ZNF200: variants seen among roughly 807,000 people sequenced by gnomAD.
The protein encoded by ZNF200 is zinc finger protein 200.
Under a neutral mutation model 33.6 loss-of-function variants are expected in ZNF200, and 35 were observed. The ratio of observed to expected loss-of-function variants is 1.04; its 90% CI spans 0.80 to 1.38. The LOEUF (loss-of-function observed/expected upper bound fraction) is 1.38. ZNF200 is among the 40% of genes most tolerant of loss of function. The pLI is 0.00. For synonymous variants in ZNF200, 209 were observed against 167.7 expected, an observed-to-expected ratio of 1.25 and a Z score of -1.90; for missense variants, 592 against 470.6, an observed-to-expected ratio of 1.26 and a Z score of -2.39.
At chr16:3,232,200 TCTCC>T (rs1291931719) in intron 4 of ZNF200, among the ~76,000 whole-genome samples, 1 of 151,812 alleles carries the variant, frequency 6.6e-6, no homozygotes, top group African/African-American at 2.4e-5. Context: ...TTTCCCTACC[TCTCC>T]CCTCACTGCC....
rs1958706964 is a variant in ZNF200, at chr16:3,233,646, T to C, written c.110A>G (p.Asn37Ser). The C allele has an allele frequency of 3.7e-6, 6 of 1,613,928 alleles. No homozygotes were observed. Among genetic ancestry groups the C allele is most frequent in the Non-Finnish European group, 5.1e-6 (6 of 1,179,998 alleles). Reference sequence around the variant, plus strand: ...TAGCTGGTGGATGGTCTTGGGCCCGTTAGTGGCATCTCGAAGTAGGTCTTG... The same window carrying C: ...TAGCTGGTGGATGGTCTTGGGCCCGCTAGTGGCATCTCGAAGTAGGTCTTG... The part of the protein sequence containing the change: ...LGQDLLRDAT[N>S]GPKTIHQLVL... The change falls in exon 2 of 5, where the codon AAC (asparagine) becomes AGC (serine). Residue 37 changes from asparagine to serine, a missense_variant. Asn to Ser is a conservative substitution (Grantham distance 46). Coordinates refer to ENST00000414144, the MANE Select transcript of ZNF200 (RefSeq NM_198088.3).
At position 3,224,483 on chromosome 16, in the gene ZNF200, G is replaced by C; in HGVS notation, c.597C>G (p.Asn199Lys). ...SSLVSQQPPD[N>K]QEKERLNTSI... The stretch of plus-strand genomic sequence containing the variant: ...ATGTATTTAGTCGTTCCTTTTCCTG[G>C]TTATCGGGAGGCTGCTGAGAGACCA... The change falls in exon 5 of 5, where the codon AAC becomes AAG. Residue 199 changes from asparagine to lysine, a missense_variant. By Grantham distance (94) the Asn-to-Lys change is moderately conservative. Coordinates refer to ENST00000414144, the MANE Select transcript of ZNF200 (RefSeq NM_198088.3). 1 of 1,614,086 alleles carries C rather than the reference G, an allele frequency of 6.2e-7. No individual in the cohort carries two copies. Among genetic ancestry groups the C allele is most frequent in the Non-Finnish European group, 8.5e-7 (1 of 1,180,008 alleles).
At chr16:3,233,966 T>C in intron 1 of ZNF200, 130 bp from the exon 2 acceptor site, 1 of 595,256 alleles carries the variant, frequency 1.7e-6, no homozygotes, top group Non-Finnish European at 2.7e-6. Context: ...AAATCATAAC[T>C]GAAACGCAGT....
rs926572559 is a variant in ZNF200 at position 3,222,851 on chromosome 16, T to C, written c.*1041A>G. On this transcript the variant is annotated 3_prime_UTR_variant, in exon 5 of 5. Coordinates refer to ENST00000414144, the MANE Select transcript of ZNF200 (RefSeq NM_198088.3). ...TGGAAACCTGTCTCTTGAGAGGCAA[T>C]GTGAGCTAACCACTGGAGACGTAAT... 1 of 152,214 alleles carries C rather than the reference T, an allele frequency of 6.6e-6. No homozygotes were observed. The highest frequency in any genetic ancestry group is 1.5e-5 in the Non-Finnish European group (1 of 68,054). 9.4% of individuals were successfully genotyped at this position (152,214 alleles called of 1,614,324 possible). A position where few individuals can be genotyped will look rare whatever the true frequency, so the allele number is the denominator to read the frequency against.
chr16:3,228,326 A>C (rs534059668), intron 4 of ZNF200, among the ~76,000 whole-genome samples: 13 of 151,998 alleles, frequency 8.6e-5, no homozygotes, highest in Non-Finnish European at 1.8e-4. Context: ...AAGTTTTCTG[A>C]TTACTCTGTT....
chr16:3,234,704 G>C (rs1185496371), intron 1 of ZNF200: 1 of 152,304 alleles, frequency 6.6e-6, no homozygotes, highest in East Asian at 1.9e-4. Flanking sequence ...CCGGGGAGCA[G>C]ATGCAAGGCC....
intron 4 of ZNF200, among the ~76,000 whole-genome samples, chr16:3,232,199 C>CG (rs1214037255): frequency 6.6e-6 from 1 of 152,070 alleles, no homozygotes; most frequent in African/African-American, 2.4e-5. Flanking sequence ...TTTTCCCTAC[C>CG]TCTCCCCTCA....
intron 4 of ZNF200, among the ~76,000 whole-genome samples, chr16:3,231,786 C>A (rs982274037): frequency 6.6e-6 from 1 of 152,172 alleles, no homozygotes; most frequent in South Asian, 2.1e-4. Context: ...TCCCTGAGTC[C>A]GAATCCCTGT....
Position 3,232,396 on chromosome 16 carries a change from A to G in ZNF200, c.466+25T>C, listed in dbSNP as rs201509453. ...GCTTTTCCCAAAGCAAACAACCTGA[A>G]CACACAAAGGCTGTGATTTCTTACC... On this transcript the variant is annotated intron_variant, in intron 4 of 4. Transcript: ENST00000414144. 4.3e-6 allele frequency: 7 copies of G among 1,609,834 alleles called. No individual in the cohort carries two copies. The African/African-American group carries it at 8.0e-5, about 18-fold the overall frequency.
At position 3,224,128 on chromosome 16, in the gene ZNF200, G is replaced by C; in HGVS notation, c.952C>G (p.Arg318Gly). The C allele has an allele frequency of 6.2e-7, 1 of 1,614,034 alleles. No individual in the cohort carries two copies. The highest frequency in any genetic ancestry group is 1.6e-4 in the Middle Eastern group (1 of 6,062). Residue 318 changes from arginine to glycine, a missense_variant, in exon 5 of 5, where the codon CGT (arginine) becomes GGT (glycine). By Grantham distance (125) the Arg-to-Gly change is moderately radical. Transcript: ENST00000414144. ...TGACGACTCCGATGAGAATTCTGAC[G>C]GAAGTTTTTTCCACACTGAGAACAG... ...YSCSQCGKNFRQNSHRSRHEG... is the reference protein window; with the variant it reads ...YSCSQCGKNFGQNSHRSRHEG...
At position 3,233,653 on chromosome 16, in the gene ZNF200, C is replaced by T. The variant is rs1204544459; in HGVS notation, c.103G>A (p.Ala35Thr). Residue 35 changes from alanine to threonine, a missense_variant, in exon 2 of 5, where the codon GCC becomes ACC. Ala to Thr is a moderately conservative substitution (Grantham distance 58). Coordinates refer to ENST00000414144, the MANE Select transcript of ZNF200 (RefSeq NM_198088.3). ...TGGATGGTCTTGGGCCCGTTAGTGG[C>T]ATCTCGAAGTAGGTCTTGGCCCAGC... is the stretch of plus-strand genomic sequence containing the variant. ...SKLGQDLLRD[A>T]TNGPKTIHQL... 1.2e-6 allele frequency: 2 copies of T among 1,613,944 alleles called. No individual in the cohort carries two copies. The highest frequency in any genetic ancestry group is 1.1e-5 in the South Asian group (1 of 91,090).
chr16:3,224,831 A>G, intron 4 of ZNF200: 3 of 561,152 alleles, frequency 5.3e-6, no homozygotes, highest in Non-Finnish European at 9.2e-6. Flanking sequence ...AAGAAATAAA[A>G]TGAGTGGGAT....
chr16:3,223,864 C>T lies in ZNF200; in HGVS notation c.*28G>A. On this transcript the variant is annotated 3_prime_UTR_variant, in exon 5 of 5. Transcript: ENST00000414144. ...TGAAAGCTCTCAGGTTGAGGCAGCA[C>T]CATCAGACCCAGAAAGGGTTCCCAG... 1 of 1,577,072 alleles carries T rather than the reference C, an allele frequency of 6.3e-7. No individual in the cohort carries two copies. Among genetic ancestry groups the T allele is most frequent in the Non-Finnish European group, 8.6e-7 (1 of 1,162,630 alleles).
At chr16:3,230,280 C>G (rs927111307) in intron 4 of ZNF200, among the ~76,000 whole-genome samples, 12 of 152,222 alleles carry the variant, frequency 7.9e-5, no homozygotes, top group Admixed American at 6.5e-5. Context: ...CTCAGGTATT[C>G]TTTTATAGCA....
chr16:3,224,776 A>T, intron 4 of ZNF200, 163 bp from the exon 5 acceptor site: 1 of 803,286 alleles, frequency 1.2e-6, no homozygotes. Flanking sequence ...GGTGGGATAC[A>T]TAACTGATAA....
chr16:3,230,292 C>T (rs1376061192), intron 4 of ZNF200, among the ~76,000 whole-genome samples: 1 of 152,208 alleles, frequency 6.6e-6, no homozygotes. Context: ...TTTATAGCAG[C>T]ACAAAATGTA....
At chr16:3,230,528 C>G (rs768765026) in intron 4 of ZNF200, among the ~76,000 whole-genome samples, 2 of 152,172 alleles carry the variant, frequency 1.3e-5, no homozygotes, top group South Asian at 2.1e-4. Context: ...TAAGAATTAT[C>G]TTACTGAAAA....
intron 4 of ZNF200, among the ~76,000 whole-genome samples, chr16:3,229,905 G>A (rs372838380): frequency 5.9e-5 from 9 of 151,976 alleles, no homozygotes; most frequent in East Asian, 5.8e-4. Flanking sequence ...AAACAAGAGC[G>A]AAACTCTGTC....
Position 3,224,286 on chromosome 16 carries a change from G to A in ZNF200, c.794C>T (p.Ser265Phe). ...GGTCCTCTGGTGGGAAATGAGGTAAGAACTTTCATTAAACTGTTTCCCACA... is the reference window on the plus strand; with the variant it reads ...GGTCCTCTGGTGGGAAATGAGGTAAAAACTTTCATTAAACTGTTTCCCACA... ...PLCGKQFNESSYLISHQRTHT... is the reference protein window; with the variant it reads ...PLCGKQFNESFYLISHQRTHT... The change falls in exon 5 of 5, where the codon TCT (serine) becomes TTT (phenylalanine). Residue 265 changes from serine (S) to phenylalanine (F), a missense_variant. Transcript: ENST00000414144. The A allele has an allele frequency of 6.2e-7, 1 of 1,614,076 alleles. No individual in the cohort carries two copies. Among genetic ancestry groups the A allele is most frequent in the Non-Finnish European group, 8.5e-7 (1 of 1,180,010 alleles).
Sources: allele counts gnomAD v4.1 joint callset (sites outside exome capture counted in the v4.1 genomes callset), GRCh38; gene constraint gnomAD v4.1.1; transcripts MANE v1.5; gene names NCBI Gene and HGNC (gene_info 2026-07-23, HGNC 2026-07-21).